Variants in PDE4D observed in about 807,000 individuals in gnomAD.
The protein encoded by PDE4D is phosphodiesterase 4D.
PDE4D carries 24 observed loss-of-function variants against 87.4 expected under a neutral mutation model. The ratio of observed to expected loss-of-function variants is 0.27; its 90% CI spans 0.20 to 0.39. PDE4D has a LOEUF of 0.39. Ranked by LOEUF, PDE4D falls within the 10% of genes least tolerant of loss-of-function variation. The pLI, the probability that PDE4D is intolerant of heterozygous loss-of-function variation, is 1.00. For missense variants in PDE4D, 714 were observed against 1,041.0 expected, an observed-to-expected ratio of 0.69 and a Z score of 4.32; for synonymous variants, 384 against 383.2, an observed-to-expected ratio of 1.00 and a Z score of -0.02.
intron 11 of PDE4D, among the ~76,000 whole-genome samples, chr5:58,978,946 T>C (rs1313956399): frequency 2.0e-5 from 3 of 152,080 alleles, no homozygotes; most frequent in South Asian, 2.1e-4. Context: ...TAAACAAACA[T>C]ATATTGAAAG....
chr5:59,428,025 A>G (rs1247886431), intron 1 of PDE4D, among the ~76,000 whole-genome samples: 1 of 152,160 alleles, frequency 6.6e-6, no homozygotes, highest in Non-Finnish European at 1.5e-5. Flanking sequence ...TCTCGTCAAC[A>G]TTGAGTTTAC....
chr5:59,789,119 T>C (rs1192318035), intron 1 of PDE4D, among the ~76,000 whole-genome samples: 1 of 152,176 alleles, frequency 6.6e-6, no homozygotes, highest in Non-Finnish European at 1.5e-5. Flanking sequence ...TTCAGAAATA[T>C]TTTATGAGAG....
chr5:60,122,939 T>C (rs971661909), intron 2 of PDE4D, among the ~76,000 whole-genome samples: 2 of 152,200 alleles, frequency 1.3e-5, no homozygotes, highest in Admixed American at 6.5e-5. Flanking sequence ...TTCCACCAGA[T>C]ACCCTAAATC....
At chr5:59,881,467 A>G (rs1246979172) in intron 1 of PDE4D, among the ~76,000 whole-genome samples, 1 of 152,064 alleles carries the variant, frequency 6.6e-6, no homozygotes, top group Non-Finnish European at 1.5e-5. Context: ...GTTTATTTCC[A>G]GAGGTGATAT....
At chr5:59,557,639 C>T (rs1041688007) in intron 1 of PDE4D, among the ~76,000 whole-genome samples, 2 of 152,146 alleles carry the variant, frequency 1.3e-5, no homozygotes, top group African/African-American at 4.8e-5. Context: ...GCAGTTCACA[C>T]TAACAACTGT....
intron 5 of PDE4D, among the ~76,000 whole-genome samples, chr5:59,101,570 C>A (rs1770744188): frequency 6.6e-6 from 1 of 152,150 alleles, no homozygotes; most frequent in South Asian, 2.1e-4. Flanking sequence ...TTCTGCCTCT[C>A]CAGTCACCCT....
intron 1 of PDE4D, among the ~76,000 whole-genome samples, chr5:60,268,399 A>C (rs1750465096): frequency 6.6e-6 from 1 of 152,200 alleles, no homozygotes; most frequent in Non-Finnish European, 1.5e-5. Context: ...CAAAAGGAAA[A>C]GCTTTGGCAC....
At chr5:59,837,170 T>A (rs1351437508) in intron 1 of PDE4D, among the ~76,000 whole-genome samples, 6 of 152,058 alleles carry the variant, frequency 3.9e-5, no homozygotes. Flanking sequence ...TGTAAATGTG[T>A]AAACTGTCTA....
intron 1 of PDE4D, among the ~76,000 whole-genome samples, chr5:59,581,427 G>A (rs1824136158): frequency 6.6e-6 from 1 of 152,144 alleles, no homozygotes; most frequent in South Asian, 2.1e-4. Context: ...AGTGGAAAGT[G>A]AAGAATTTAA....
intron 5 of PDE4D, among the ~76,000 whole-genome samples, chr5:59,042,964 A>AT (rs1759939773): frequency 1.3e-5 from 2 of 152,156 alleles, no homozygotes; most frequent in African/African-American, 2.4e-5. Flanking sequence ...GGTTGAGGTC[A>AT]TTTTTTGTGA....
intron 1 of PDE4D, among the ~76,000 whole-genome samples, chr5:59,608,148 T>C (rs1200599400): frequency 2.0e-5 from 3 of 152,138 alleles, no homozygotes; most frequent in Admixed American, 2.0e-4. Context: ...AGAATTGCAT[T>C]TCTCCTTTAA....
intron 1 of PDE4D, among the ~76,000 whole-genome samples, chr5:60,416,502 C>T (rs1404567239): frequency 6.6e-6 from 1 of 152,114 alleles, no homozygotes; most frequent in Non-Finnish European, 1.5e-5. Context: ...CGAACAACTC[C>T]AGACACCCTG....
At chr5:59,228,210 CACAG>C (rs903646879) in intron 1 of PDE4D, among the ~76,000 whole-genome samples, 19 of 151,936 alleles carry the variant, frequency 1.3e-4, no homozygotes, top group African/African-American at 4.6e-4. Flanking sequence ...AATGAGAACA[CACAG>C]ACAGAAAGAG....
At chr5:59,823,046 C>T (rs1279168666) in intron 1 of PDE4D, among the ~76,000 whole-genome samples, 1 of 152,182 alleles carries the variant, frequency 6.6e-6, no homozygotes, top group African/African-American at 2.4e-5. Flanking sequence ...TTTAACAAAG[C>T]AGGCTTGATT....
chr5:60,162,803 A>C (rs1414883109), intron 2 of PDE4D, among the ~76,000 whole-genome samples: 1 of 152,114 alleles, frequency 6.6e-6, no homozygotes. Flanking sequence ...GCAAAGGAAG[A>C]AATTAATTTT....
intron 1 of PDE4D, among the ~76,000 whole-genome samples, chr5:60,361,633 T>A (rs1319552383): frequency 6.6e-6 from 1 of 152,174 alleles, no homozygotes; most frequent in Non-Finnish European, 1.5e-5. Flanking sequence ...AGTTGAAGTG[T>A]CACATTCCAT....
intron 1 of PDE4D, among the ~76,000 whole-genome samples, chr5:59,535,316 C>CA (rs1814996438): frequency 6.6e-6 from 1 of 152,160 alleles, no homozygotes; most frequent in Non-Finnish European, 1.5e-5. Context: ...TTCTGGGTGT[C>CA]TGGCCCAGGC....
intron 1 of PDE4D, among the ~76,000 whole-genome samples, chr5:60,499,245 A>G (rs745649278): frequency 6.6e-5 from 10 of 152,224 alleles, no homozygotes; most frequent in African/African-American, 9.6e-5. Flanking sequence ...TTGTGCCAGG[A>G]GATGTGCATG....
chr5:59,613,277 G>A (rs566292563), intron 1 of PDE4D, among the ~76,000 whole-genome samples: 2 of 152,326 alleles, frequency 1.3e-5, no homozygotes, highest in Admixed American at 1.3e-4. Flanking sequence ...TCTGAGATCA[G>A]GAAGGCTCCA....
Sources: gnomAD v4.1 joint callset for allele counts (sites outside exome capture counted in the v4.1 genomes callset) on GRCh38, gnomAD v4.1.1 for gene constraint, MANE v1.5 for transcripts, NCBI Gene and HGNC (gene_info 2026-07-23, HGNC 2026-07-21) for gene names.